AFF2: variants seen among roughly 807,000 people sequenced by gnomAD.
AFF2 encodes the protein AF4/FMR2 family member 2.
In AFF2, 14 loss-of-function variants were observed where a neutral mutation model predicts 76.9. That is an observed-to-expected ratio of 0.18 (90% CI 0.12 to 0.28). The LOEUF (loss-of-function observed/expected upper bound fraction) is 0.28, where lower values mean the gene tolerates loss of function less well. Among genes scored for constraint, AFF2 ranks in the 10% least tolerant of loss-of-function variants. AFF2 has a pLI of 1.00. For missense variants in AFF2, 868 were observed against 1,001.1 expected, an observed-to-expected ratio of 0.87 and a Z score of 1.79; for synonymous variants, 398 against 366.7, an observed-to-expected ratio of 1.09 and a Z score of -0.98.
At chrX:148,935,123 TCAA>T (rs2071758323) in intron 9 of AFF2, among the ~76,000 whole-genome samples, 1 of 109,390 alleles carries the variant, frequency 9.1e-6, no homozygotes, top group South Asian at 4.0e-4. Context: ...CATTAAGAAC[TCAA>T]CAAACAAAGT....
At chrX:148,540,437 T>A (rs1603236093) in intron 1 of AFF2, among the ~76,000 whole-genome samples, 1 of 102,029 alleles carries the variant, frequency 9.8e-6, no homozygotes. Context: ...GTTCTCAGAA[T>A]CTAAAAATGG....
At chrX:148,831,386 G>A (rs1442476103) in intron 4 of AFF2, among the ~76,000 whole-genome samples, 2 of 112,388 alleles carry the variant, frequency 1.8e-5, no homozygotes, top group Admixed American at 1.9e-4. Flanking sequence ...AGAGACTGCA[G>A]TAAAGACAGG....
At chrX:148,921,273 C>T (rs2071592672) in intron 9 of AFF2, among the ~76,000 whole-genome samples, 1 of 112,010 alleles carries the variant, frequency 8.9e-6, no homozygotes, top group Non-Finnish European at 1.9e-5. Flanking sequence ...AGATATAATT[C>T]ACATATCATA....
Position 148,999,802 on chromosome X carries a change from A to C in AFF2, c.*8470A>C, listed in dbSNP as rs2072654859. On this transcript the variant is annotated 3_prime_UTR_variant, in exon 21 of 21. Transcript: ENST00000370460. ...AGCTTTGGTCATAATATCATGGTTC[A>C]ATTAAACGGATTCCACCGGACTTTG... is the stretch of plus-strand genomic sequence containing the variant. The C allele has an allele frequency of 8.9e-6, 1 of 112,585 alleles. No individual in the cohort carries two copies. The highest frequency in any genetic ancestry group is 1.9e-5 in the Non-Finnish European group (1 of 53,318). 9.3% of individuals were successfully genotyped at this position (112,585 alleles called of 1,213,427 possible). A position where few individuals can be genotyped will look rare whatever the true frequency, so the allele number is the denominator to read the frequency against.
At chrX:148,874,367 C>T (rs1250913670) in intron 7 of AFF2, among the ~76,000 whole-genome samples, 1 of 111,002 alleles carries the variant, frequency 9.0e-6, no homozygotes, top group Non-Finnish European at 1.9e-5. Flanking sequence ...ACTCTTTTCA[C>T]ATATTATTTC....
At chrX:148,835,957 A>G (rs1241093567) in intron 4 of AFF2, among the ~76,000 whole-genome samples, 3 of 111,942 alleles carry the variant, frequency 2.7e-5, no homozygotes, top group African/African-American at 9.8e-5. Context: ...ATCCCAAGCT[A>G]TATATTTTAA....
At chrX:148,791,097 A>G (rs1557269897) in intron 3 of AFF2, among the ~76,000 whole-genome samples, 1 of 112,269 alleles carries the variant, frequency 8.9e-6, no homozygotes, top group East Asian at 2.8e-4. Flanking sequence ...GTCAATACAT[A>G]TTATTCTATG....
intron 3 of AFF2, among the ~76,000 whole-genome samples, chrX:148,703,324 T>G (rs1275248649): frequency 8.9e-6 from 1 of 111,975 alleles, no homozygotes; most frequent in Non-Finnish European, 1.9e-5. Context: ...AGATTATAAT[T>G]TGTTTTCTTT....
intron 9 of AFF2, among the ~76,000 whole-genome samples, chrX:148,907,704 A>G (rs925077866): frequency 2.7e-5 from 3 of 111,714 alleles, no homozygotes; most frequent in Admixed American, 1.9e-4. Context: ...AGATCACAGG[A>G]CCACAGGACC....
At chrX:148,514,755 A>G (rs970915767) in intron 1 of AFF2, among the ~76,000 whole-genome samples, 4 of 112,205 alleles carry the variant, frequency 3.6e-5, no homozygotes, top group Non-Finnish European at 7.5e-5. Flanking sequence ...TTATTCATAT[A>G]AACAGTTCAG....
chrX:148,911,151 C>T (rs1557281930), intron 9 of AFF2, among the ~76,000 whole-genome samples: 1 of 109,793 alleles, frequency 9.1e-6, no homozygotes, highest in Non-Finnish European at 1.9e-5. Context: ...TTTAACTCCA[C>T]ACACACACGT....
At chrX:148,673,856 A>G (rs782620330) in intron 3 of AFF2, among the ~76,000 whole-genome samples, 2 of 112,271 alleles carry the variant, frequency 1.8e-5, no homozygotes, top group Admixed American at 9.4e-5. Context: ...GAGAAAGACA[A>G]TGGCTCTGGA....
chrX:148,963,407 C>T (rs1421960107), intron 13 of AFF2, among the ~76,000 whole-genome samples: 2 of 111,886 alleles, frequency 1.8e-5, no homozygotes, highest in East Asian at 5.6e-4. Flanking sequence ...GTGATTAAGA[C>T]ACTTAACTCT....
At chrX:148,521,994 C>T (rs1218133267) in intron 1 of AFF2, among the ~76,000 whole-genome samples, 2 of 111,990 alleles carry the variant, frequency 1.8e-5, no homozygotes, top group Non-Finnish European at 3.8e-5. Context: ...ATGAAACTTC[C>T]GCCACAGTGC....
At chrX:148,984,333 C>T (rs2072437112) in intron 19 of AFF2, among the ~76,000 whole-genome samples, 2 of 110,965 alleles carry the variant, frequency 1.8e-5, no homozygotes, top group Admixed American at 9.6e-5. Context: ...TGGTGGGAAG[C>T]ATGTGCTTCT....
chrX:148,762,480 ATGTGTGTGTG>A (rs144985699), intron 3 of AFF2, among the ~76,000 whole-genome samples: 6 of 92,559 alleles, frequency 6.5e-5, no homozygotes, highest in Admixed American at 1.2e-4. Flanking sequence ...ACATATGTAT[ATGTGTGTGTG>A]TGTGTGTGTG....
intron 3 of AFF2, among the ~76,000 whole-genome samples, chrX:148,754,795 T>C (rs1322513375): frequency 2.7e-5 from 3 of 112,021 alleles, no homozygotes; most frequent in Non-Finnish European, 5.6e-5. Context: ...GTTGAGAGAC[T>C]GTTCAATTCA....
At chrX:148,858,564 G>T (rs1200938443) in intron 7 of AFF2, among the ~76,000 whole-genome samples, 1 of 110,996 alleles carries the variant, frequency 9.0e-6, no homozygotes, top group African/African-American at 3.3e-5. Flanking sequence ...GCCATGTGAT[G>T]CTTACTTGTA....
chrX:148,935,939 G>A (rs1194696030), intron 9 of AFF2, among the ~76,000 whole-genome samples: 2 of 107,612 alleles, frequency 1.9e-5, no homozygotes, highest in Non-Finnish European at 3.8e-5. Flanking sequence ...TATCAAAGCA[G>A]GAAAGCCGTG....
Sources: allele counts gnomAD v4.1 joint callset (sites outside exome capture counted in the v4.1 genomes callset), GRCh38; gene constraint gnomAD v4.1.1; transcripts MANE v1.5; gene names NCBI Gene and HGNC (gene_info 2026-07-23, HGNC 2026-07-21).